The following PTPRD variants were observed in gnomAD, a reference collection of about 807,000 sequenced individuals.
PTPRD encodes the protein receptor-type tyrosine-protein phosphatase delta.
A neutral mutation model predicts 214.5 loss-of-function variants in PTPRD; 34 were observed. The ratio of observed to expected loss-of-function variants is 0.16; its 90% CI spans 0.12 to 0.21. The LOEUF is 0.21. PTPRD is among the 10% of genes least tolerant of loss of function. The probability of loss-of-function intolerance (pLI) is 1.00; values close to 1 mark genes in which losing one functional copy is unlikely to be tolerated. For missense variants in PTPRD, 2,545 were observed against 2,398.7 expected (o/e 1.06, Z -1.27); for synonymous variants, 1,128 against 845.7 (o/e 1.33, Z -5.79).
intron 39 of PTPRD, 97 bp downstream of exon 39, chr9:8,375,839 A>G: frequency 1.4e-6 from 2 of 1,395,018 alleles, no homozygotes; most frequent in Non-Finnish European, 1.9e-6. Context: ...TTATGAAGAC[A>G]TTTACTATTC....
intron 2 of PTPRD, among the ~76,000 whole-genome samples, chr9:10,453,647 T>A (rs970707314): frequency 2.2e-4 from 33 of 151,854 alleles, no homozygotes; most frequent in African/African-American, 7.0e-4. Flanking sequence ...TATGTTGATT[T>A]AGAATCCTGC....
In PTPRD at chr9:10,521,068, T is replaced by G. The variant is rs118031671; in HGVS notation, c.-600+91330A>C. The stretch of plus-strand genomic sequence containing the variant: ...TTCATAAGGCTGTAGCTTCCATAGA[T>G]AGTGATTCTTCTGATAGATCTGGGA... On this transcript the variant is annotated intron_variant, in intron 2 of 45. Coordinates refer to ENST00000381196, the MANE Select transcript of PTPRD (RefSeq NM_002839.4). 9.3e-3 allele frequency among the ~76,000 whole-genome samples: 1,409 copies of G among 152,072 alleles called. 8 individuals are homozygous for G. Among genetic ancestry groups the G allele is most frequent in the Non-Finnish European group, 0.015 (999 of 67,992 alleles).
At chr9:9,298,538 C>T (rs1954011434) in intron 9 of PTPRD, among the ~76,000 whole-genome samples, 1 of 151,676 alleles carries the variant, frequency 6.6e-6, no homozygotes, top group South Asian at 2.1e-4. Context: ...GTCTAATAAC[C>T]ATTTTCATTG....
At chr9:8,436,470 A>G (rs2095354647) in intron 35 of PTPRD, 122 bp downstream of exon 35, 1 of 677,090 alleles carries the variant, frequency 1.5e-6, no homozygotes, top group South Asian at 2.2e-5. Flanking sequence ...ATACATTTTT[A>G]TATCATATTT....
intron 14 of PTPRD, among the ~76,000 whole-genome samples, chr9:8,605,277 G>T (rs1359018012): frequency 1.3e-5 from 2 of 152,194 alleles, no homozygotes; most frequent in Admixed American, 6.5e-5. Context: ...TAAGCTGCAA[G>T]TGCTAAGCAT....
chr9:8,741,179 G>T (rs958013081), intron 11 of PTPRD, among the ~76,000 whole-genome samples: 6 of 151,938 alleles, frequency 3.9e-5, no homozygotes, highest in Non-Finnish European at 8.8e-5. Flanking sequence ...AGAAAAAAAT[G>T]AGGTATGCCG....
intron 9 of PTPRD, among the ~76,000 whole-genome samples, chr9:9,267,361 A>T (rs1027499868): frequency 6.6e-6 from 1 of 151,306 alleles, no homozygotes; most frequent in African/African-American, 2.4e-5. Context: ...ATGAAGAAAT[A>T]GATAACCTGA....
chr9:8,459,959 A>G (rs2096343546), intron 33 of PTPRD, among the ~76,000 whole-genome samples: 1 of 152,086 alleles, frequency 6.6e-6, no homozygotes, highest in Admixed American at 6.6e-5. Flanking sequence ...AAATAGCTAC[A>G]GGGAGCTATC....
At chr9:9,792,660 G>C (rs547744918) in intron 5 of PTPRD, among the ~76,000 whole-genome samples, 6 of 152,158 alleles carry the variant, frequency 3.9e-5, no homozygotes, top group Non-Finnish European at 8.8e-5. Context: ...TTCAAGCTCT[G>C]TGCTATTTTC....
intron 3 of PTPRD, among the ~76,000 whole-genome samples, chr9:10,280,389 CAT>C (rs1491255614): frequency 6.6e-4 from 99 of 150,400 alleles, no homozygotes; most frequent in South Asian, 2.1e-3. Context: ...CACACACACA[CAT>C]GTGAGACATA....
intron 43 of PTPRD, among the ~76,000 whole-genome samples, chr9:8,336,694 G>C (rs1379592863): frequency 6.7e-6 from 1 of 148,606 alleles, no homozygotes; most frequent in East Asian, 2.0e-4. Context: ...GGAAATTTTT[G>C]CTATCTATCC....
chr9:10,302,670 G>A (rs1596506109), intron 3 of PTPRD, among the ~76,000 whole-genome samples: 1 of 152,106 alleles, frequency 6.6e-6, no homozygotes, highest in Non-Finnish European at 1.5e-5. Context: ...ACAAAGAAGG[G>A]CATTACATAA....
intron 3 of PTPRD, among the ~76,000 whole-genome samples, chr9:10,217,477 A>C (rs1254051437): frequency 6.6e-6 from 1 of 151,880 alleles, no homozygotes; most frequent in African/African-American, 2.4e-5. Flanking sequence ...ATTTCTGTTA[A>C]CCTTTTCTCA....
chr9:9,274,784 G>A (rs1454672091), intron 9 of PTPRD, among the ~76,000 whole-genome samples: 1 of 150,316 alleles, frequency 6.7e-6, no homozygotes, highest in Non-Finnish European at 1.5e-5. Flanking sequence ...GTGAATATTA[G>A]CTATTATTTT....
intron 8 of PTPRD, among the ~76,000 whole-genome samples, chr9:9,416,752 T>C (rs1267123628): frequency 6.6e-6 from 1 of 152,176 alleles, no homozygotes; most frequent in Non-Finnish European, 1.5e-5. Context: ...TAGGCAGGAA[T>C]ACTCAGACAC....
rs576442860 is a variant in PTPRD, at chr9:10,550,051, A to G, written c.-600+62347T>C. 1.8e-4 allele frequency among the ~76,000 whole-genome samples: 27 copies of G among 152,282 alleles called. No homozygotes were observed. The South Asian group carries it at 2.7e-3, about 15-fold the overall frequency. On this transcript the variant is annotated intron_variant, in intron 2 of 45. Coordinates refer to ENST00000381196, the MANE Select transcript of PTPRD (RefSeq NM_002839.4). Reference sequence around the variant, plus strand: ...GGATCCCATCAGTGACATTTTCAGAACAATGAAATCTAAGTGCATCACAGA... The same window carrying G: ...GGATCCCATCAGTGACATTTTCAGAGCAATGAAATCTAAGTGCATCACAGA...
intron 11 of PTPRD, among the ~76,000 whole-genome samples, chr9:8,963,476 G>A (rs1214028373): frequency 6.6e-6 from 1 of 152,050 alleles, no homozygotes; most frequent in Non-Finnish European, 1.5e-5. Flanking sequence ...TAGGGATGTT[G>A]GATTCTATCA....
chr9:8,477,548 A>T (rs1179959813), intron 30 of PTPRD, among the ~76,000 whole-genome samples: 1 of 152,138 alleles, frequency 6.6e-6, no homozygotes, highest in Non-Finnish European at 1.5e-5. Flanking sequence ...ATTCTCAAAC[A>T]TGTTATTTAA....
chr9:8,607,141 A>G (rs1156947799), intron 14 of PTPRD, among the ~76,000 whole-genome samples: 1 of 152,220 alleles, frequency 6.6e-6, no homozygotes, highest in Admixed American at 6.5e-5. Context: ...AGTTAATATT[A>G]TATTCTTGAA....
Sources: allele counts gnomAD v4.1 joint callset (sites outside exome capture counted in the v4.1 genomes callset), GRCh38; gene constraint gnomAD v4.1.1; transcripts MANE v1.5; gene names NCBI Gene and HGNC (gene_info 2026-07-23, HGNC 2026-07-21).